Variants in CRACD observed in about 807,000 individuals in gnomAD.
CRACD encodes the protein capping protein inhibiting regulator of actin dynamics.
CRACD carries 56 observed loss-of-function variants against 106.8 expected under a neutral mutation model. The ratio of observed to expected loss-of-function variants is 0.52; its 90% CI spans 0.42 to 0.66. The LOEUF (loss-of-function observed/expected upper bound fraction) is 0.66, where lower values mean the gene tolerates loss of function less well. Ranked by LOEUF, CRACD falls within the 30% of genes least tolerant of loss-of-function variation. The probability of loss-of-function intolerance (pLI) is 0.00; values close to 1 mark genes in which losing one functional copy is unlikely to be tolerated. For synonymous variants in CRACD, 754 were observed against 670.8 expected, an observed-to-expected ratio of 1.12 and a Z score of -1.92; for missense variants, 1,730 against 1,623.2, an observed-to-expected ratio of 1.07 and a Z score of -1.13.
chr4:56,290,643 A>G (rs1743652843), intron 3 of CRACD, among the ~76,000 whole-genome samples: 1 of 152,224 alleles, frequency 6.6e-6, no homozygotes, highest in African/African-American at 2.4e-5. Context: ...AAATGTTTCA[A>G]AGCCCAACCT....
chr4:56,209,013 G>A (rs1738271589), intron 2 of CRACD, among the ~76,000 whole-genome samples: 1 of 151,952 alleles, frequency 6.6e-6, no homozygotes, highest in African/African-American at 2.4e-5. Flanking sequence ...TACTCAAAAG[G>A]TAAACAAAAA....
At position 56,328,050 on chromosome 4, in the gene CRACD, A is replaced by G. The variant is rs1746574732; in HGVS notation, c.*246A>G. On this transcript the variant is annotated 3_prime_UTR_variant, in exon 11 of 11. Transcript: ENST00000682029. ...GAGAAAATTCCGTCCACAGGACCAC[A>G]TGAAGCAAAATCTCTAAGCTAAGAA... is the stretch of plus-strand genomic sequence containing the variant. 1 of 420,024 alleles carries G rather than the reference A, an allele frequency of 2.4e-6. No homozygotes were observed. The highest frequency in any genetic ancestry group is 2.9e-5 in the South Asian group (1 of 34,904). The allele number at this position is 420,024 out of a possible 1,614,324, so 26.0% of individuals were successfully genotyped here.
intron 2 of CRACD, among the ~76,000 whole-genome samples, chr4:56,252,119 C>T (rs1741089718): frequency 6.6e-6 from 1 of 152,160 alleles, no homozygotes; most frequent in African/African-American, 2.4e-5. Flanking sequence ...AAATTGATTG[C>T]AAGGTTCACT....
chr4:56,242,567 C>T (rs1302575976), intron 2 of CRACD, among the ~76,000 whole-genome samples: 1 of 152,078 alleles, frequency 6.6e-6, no homozygotes, highest in Non-Finnish European at 1.5e-5. Context: ...AAGGTCAAAT[C>T]TGCGTTCCTG....
In CRACD at chr4:56,316,297, C is replaced by A; in HGVS notation, c.2795C>A (p.Ala932Asp). 6.2e-7 allele frequency: 1 copy of A among 1,613,988 alleles called. No individual in the cohort carries two copies. Among genetic ancestry groups the A allele is most frequent in the Non-Finnish European group, 8.5e-7 (1 of 1,179,898 alleles). ...TCCAGCAGCCGCTCTGTTCCTGTGG[C>A]CCACCCTGGGCCTCCACCGGCCAGC... ...EPSSSRSVPV[A>D]HPGPPPASSQ... Residue 932 changes from alanine (A) to aspartate (D), a missense_variant, in exon 8 of 11, where the codon GCC (alanine) becomes GAC (aspartate). This residue lies in a region of CRACD where 1,620 missense variants were observed against 1,481.6 expected (regional missense o/e 1.09). Transcript: ENST00000682029.
Position 56,298,210 on chromosome 4 carries a change from C to T in CRACD, c.-16-4C>T. 2.5e-6 allele frequency: 4 copies of T among 1,612,124 alleles called. No homozygotes were observed. The highest frequency in any genetic ancestry group is 2.5e-6 in the Non-Finnish European group (3 of 1,179,264). On this transcript the variant is annotated splice_polypyrimidine_tract_variant and splice_region_variant and intron_variant, in intron 3 of 10. Coordinates refer to ENST00000682029, the MANE Select transcript of CRACD (RefSeq NM_001393381.1). ...TAAAATGAAGCACATGATTTACCTTCCAGGTCCTTCAACTATTCTATGGGA... is the reference window on the plus strand; with the variant it reads ...TAAAATGAAGCACATGATTTACCTTTCAGGTCCTTCAACTATTCTATGGGA...
intron 1 of CRACD, among the ~76,000 whole-genome samples, chr4:56,083,984 A>G (rs1304677850): frequency 6.6e-6 from 1 of 152,216 alleles, no homozygotes; most frequent in Non-Finnish European, 1.5e-5. Flanking sequence ...CTCAAAAAAT[A>G]TATGTATGTA....
chr4:56,187,084 A>C (rs1245964467), intron 2 of CRACD, among the ~76,000 whole-genome samples: 1 of 151,938 alleles, frequency 6.6e-6, no homozygotes, highest in Non-Finnish European at 1.5e-5. Flanking sequence ...AAAAAAAAAC[A>C]ACCAGAGGCT....
At chr4:56,263,282 T>A (rs1433997512) in intron 2 of CRACD, among the ~76,000 whole-genome samples, 4 of 152,092 alleles carry the variant, frequency 2.6e-5, no homozygotes, top group Admixed American at 1.3e-4. Context: ...TGTGTAAAGG[T>A]GTGAAGGCAC....
At chr4:56,054,242 G>T (rs1204219801) in intron 1 of CRACD, among the ~76,000 whole-genome samples, 1 of 152,156 alleles carries the variant, frequency 6.6e-6, no homozygotes, top group East Asian at 1.9e-4. Flanking sequence ...GTGCAGTGAT[G>T]TAACCATGGC....
chr4:56,079,532 G>A (rs1411823798), intron 1 of CRACD, among the ~76,000 whole-genome samples: 1 of 150,530 alleles, frequency 6.6e-6, no homozygotes, highest in African/African-American at 2.4e-5. Flanking sequence ...TGTAAGCTCT[G>A]CCTCCTGCGT....
chr4:56,211,682 A>G (rs1401084456), intron 2 of CRACD, among the ~76,000 whole-genome samples: 2 of 152,134 alleles, frequency 1.3e-5, no homozygotes, highest in Non-Finnish European at 2.9e-5. Context: ...TGGGCTCACA[A>G]TTGGGGAGCG....
At position 56,135,652 on chromosome 4, in the gene CRACD, G is replaced by A. The variant is rs540705504; in HGVS notation, c.-335-43632G>A. Reference sequence around the variant, plus strand: ...AGACAGACGTCTCATCTTTTAAAACGATGTTGTTGAGTGGGTTGTGAATGA... The same window carrying A: ...AGACAGACGTCTCATCTTTTAAAACAATGTTGTTGAGTGGGTTGTGAATGA... On this transcript the variant is annotated intron_variant, in intron 1 of 10. Transcript: ENST00000682029. Among the ~76,000 whole-genome samples the A allele has an allele frequency of 5.3e-5, 8 of 152,288 alleles. No individual in the cohort carries two copies. The South Asian group carries it at 6.2e-4, about 12-fold the overall frequency.
chr4:56,106,749 G>A (rs960349796), intron 1 of CRACD, among the ~76,000 whole-genome samples: 1 of 152,172 alleles, frequency 6.6e-6, no homozygotes, highest in South Asian at 2.1e-4. Flanking sequence ...GTACAAGAAC[G>A]TGAGGCTATT....
At position 56,180,995 on chromosome 4, in the gene CRACD, T is replaced by C. The variant is rs141214898; in HGVS notation, c.-189+1565T>C. On this transcript the variant is annotated intron_variant, in intron 2 of 10. Transcript: ENST00000682029. Reference sequence around the variant, plus strand: ...AAAGTGGTCATTTGAAAATGAATGATGGATTTTTAGAAAATTTTTTCTTAA... The same window carrying C: ...AAAGTGGTCATTTGAAAATGAATGACGGATTTTTAGAAAATTTTTTCTTAA... Among the ~76,000 whole-genome samples the C allele has an allele frequency of 5.2e-3, 792 of 152,322 alleles. 8 individuals are homozygous for C. Among genetic ancestry groups the C allele is most frequent in the African/African-American group, 0.018 (765 of 41,580 alleles).
chr4:56,226,682 A>G (rs1313548286), intron 2 of CRACD, among the ~76,000 whole-genome samples: 1 of 152,086 alleles, frequency 6.6e-6, no homozygotes, highest in Non-Finnish European at 1.5e-5. Context: ...TGTTTGGGTC[A>G]TGGTAGGGGG....
intron 8 of CRACD, among the ~76,000 whole-genome samples, chr4:56,322,173 A>G (rs1746145933): frequency 6.6e-6 from 1 of 152,230 alleles, no homozygotes; most frequent in African/African-American, 2.4e-5. Context: ...TCATAGGCAT[A>G]TAAGAACAGC....
At chr4:56,301,478 G>A (rs1469025176) in intron 4 of CRACD, among the ~76,000 whole-genome samples, 1 of 152,022 alleles carries the variant, frequency 6.6e-6, no homozygotes, top group Non-Finnish European at 1.5e-5. Context: ...GAGAAGTAAT[G>A]GAAAACACCT....
chr4:56,297,986 G>A, intron 3 of CRACD: 2 of 412,672 alleles, frequency 4.8e-6, no homozygotes, highest in Non-Finnish European at 8.8e-6. Flanking sequence ...AACTGTCTTT[G>A]TGTTCTCACG....
Sources: gnomAD v4.1 joint callset for allele counts (sites outside exome capture counted in the v4.1 genomes callset) on GRCh38, gnomAD v4.1.1 for gene constraint, gnomAD v4.1.1 regional missense constraint, MANE v1.5 for transcripts, NCBI Gene and HGNC (gene_info 2026-07-23, HGNC 2026-07-21) for gene names.